The following SKAP1 variants were observed in gnomAD, a reference collection of about 807,000 sequenced individuals.
The protein encoded by SKAP1 is src kinase-associated phosphoprotein 1.
SKAP1 carries 44 observed loss-of-function variants against 58.5 expected under a neutral mutation model. That is an observed-to-expected ratio of 0.75 (90% CI 0.59 to 0.97). The LOEUF is 0.97. Among genes scored for constraint, SKAP1 ranks in the 50% least tolerant of loss-of-function variants. SKAP1 has a pLI of 0.00. For synonymous variants in SKAP1, 127 were observed against 149.7 expected, an observed-to-expected ratio of 0.85 and a Z score of 1.11; for missense variants, 390 against 435.2, an observed-to-expected ratio of 0.90 and a Z score of 0.92.
At chr17:48,181,840 G>A (rs956088220) in intron 8 of SKAP1, among the ~76,000 whole-genome samples, 4 of 152,142 alleles carry the variant, frequency 2.6e-5, no homozygotes, top group Admixed American at 1.3e-4. Context: ...GGCCAGCAGA[G>A]GGTACTCTAA....
In SKAP1 at chr17:48,404,482, G is replaced by A. The variant is rs1312970302; in HGVS notation, c.47-7697C>T. 2.6e-5 allele frequency among the ~76,000 whole-genome samples: 4 copies of A among 151,974 alleles called. No homozygotes were observed. In the South Asian group the frequency reaches 6.2e-4, roughly 24 times the overall value. On this transcript the variant is annotated intron_variant, in intron 1 of 12. Coordinates refer to ENST00000336915, the MANE Select transcript of SKAP1 (RefSeq NM_003726.4). ...AAACCAAAACAAAAATTCGTATGGCGAGACAATGTAAAAAATGTAAAAATA... is the reference window on the plus strand; with the variant it reads ...AAACCAAAACAAAAATTCGTATGGCAAGACAATGTAAAAAATGTAAAAATA...
chr17:48,335,468 A>C (rs1454605043), intron 4 of SKAP1, among the ~76,000 whole-genome samples: 1 of 152,014 alleles, frequency 6.6e-6, no homozygotes, highest in East Asian at 1.9e-4. Flanking sequence ...GCTACCTGTA[A>C]AAATTTATTC....
intron 2 of SKAP1, 110 bp from the exon 3 acceptor site, chr17:48,363,924 T>C: frequency 1.4e-6 from 1 of 724,092 alleles, no homozygotes; most frequent in South Asian, 2.9e-5. Flanking sequence ...CTAAAGTCTA[T>C]AACCAGCCAA....
chr17:48,199,929 G>C (rs1413970314), intron 4 of SKAP1, among the ~76,000 whole-genome samples: 2 of 152,102 alleles, frequency 1.3e-5, no homozygotes, highest in Non-Finnish European at 2.9e-5. Flanking sequence ...GGTGCATATA[G>C]CCGTGCACGT....
At chr17:48,234,208 A>G (rs2065156289) in intron 4 of SKAP1, among the ~76,000 whole-genome samples, 1 of 152,242 alleles carries the variant, frequency 6.6e-6, no homozygotes. Flanking sequence ...TGATAGCTCC[A>G]CTAAAAATAA....
intron 10 of SKAP1, among the ~76,000 whole-genome samples, chr17:48,169,380 T>C (rs779748124): frequency 6.6e-6 from 1 of 152,170 alleles, no homozygotes; most frequent in Non-Finnish European, 1.5e-5. Context: ...GGAAGTTGGT[T>C]GAGAAAAGAT....
At chr17:48,334,380 A>C (rs2066541372) in intron 4 of SKAP1, among the ~76,000 whole-genome samples, 1 of 152,006 alleles carries the variant, frequency 6.6e-6, no homozygotes, top group South Asian at 2.1e-4. Context: ...TTGTGAAAAT[A>C]TATCAAGTAA....
intron 4 of SKAP1, among the ~76,000 whole-genome samples, chr17:48,244,412 C>T (rs944765928): frequency 4.6e-5 from 7 of 152,200 alleles, no homozygotes; most frequent in African/African-American, 1.7e-4. Context: ...AAAGGCAGTT[C>T]TATCCTATTG....
chr17:48,404,240 G>A (rs1411126429), intron 1 of SKAP1, among the ~76,000 whole-genome samples: 1 of 152,028 alleles, frequency 6.6e-6, no homozygotes, highest in Non-Finnish European at 1.5e-5. Flanking sequence ...ATCACCTGAG[G>A]TTGGGAGTTC....
intron 2 of SKAP1, among the ~76,000 whole-genome samples, chr17:48,375,315 C>T (rs2067138218): frequency 6.9e-6 from 1 of 144,508 alleles, no homozygotes; most frequent in Non-Finnish European, 1.5e-5. Flanking sequence ...TATAACTCAT[C>T]ACCTGCTCCC....
chr17:48,317,198 A>T (rs997066086), intron 4 of SKAP1, among the ~76,000 whole-genome samples: 8 of 152,230 alleles, frequency 5.3e-5, no homozygotes, highest in African/African-American at 1.9e-4. Flanking sequence ...AGGGACTCCC[A>T]ATGGAAATAA....
chr17:48,231,847 T>C (rs148430893), intron 4 of SKAP1: 7 of 152,334 alleles, frequency 4.6e-5, no homozygotes, highest in Non-Finnish European at 7.3e-5. Context: ...AAGTTGGCTT[T>C]ATCTTCTATA....
At chr17:48,305,889 A>G (rs757390339) in intron 4 of SKAP1, among the ~76,000 whole-genome samples, 1 of 152,170 alleles carries the variant, frequency 6.6e-6, no homozygotes, top group Admixed American at 6.5e-5. Context: ...CCAAAAAAAA[A>G]TTGTTGTGGC....
At chr17:48,320,510 C>T (rs1466891350) in intron 4 of SKAP1, among the ~76,000 whole-genome samples, 1 of 152,068 alleles carries the variant, frequency 6.6e-6, no homozygotes, top group Admixed American at 6.5e-5. Context: ...CCTAAAAATA[C>T]TAATGGTTAC....
At chr17:48,277,612 A>G (rs2065716565) in intron 4 of SKAP1, among the ~76,000 whole-genome samples, 1 of 152,214 alleles carries the variant, frequency 6.6e-6, no homozygotes, top group Admixed American at 6.5e-5. Context: ...AAAACCAGTG[A>G]AAAAAATTTT....
At chr17:48,238,495 G>T (rs988951237) in intron 4 of SKAP1, among the ~76,000 whole-genome samples, 3 of 151,888 alleles carry the variant, frequency 2.0e-5, no homozygotes, top group African/African-American at 7.3e-5. Flanking sequence ...AACCTCCCAG[G>T]CTCAAGCAAT....
intron 1 of SKAP1, among the ~76,000 whole-genome samples, chr17:48,426,843 T>C (rs1033111535): frequency 4.6e-4 from 65 of 141,118 alleles, no homozygotes; most frequent in Admixed American, 4.4e-4. Context: ...AAATCCAAGA[T>C]AGCGTGTTTT....
intron 11 of SKAP1, among the ~76,000 whole-genome samples, chr17:48,140,849 T>A (rs2063758443): frequency 6.6e-6 from 1 of 151,312 alleles, no homozygotes; most frequent in African/African-American, 2.4e-5. Context: ...TGTGATCTCA[T>A]GATCTCGGCT....
intron 4 of SKAP1, among the ~76,000 whole-genome samples, chr17:48,194,549 A>T (rs1033962604): frequency 2.0e-5 from 3 of 152,220 alleles, no homozygotes; most frequent in African/African-American, 7.2e-5. Flanking sequence ...ACACCAGAGC[A>T]CAAGGCTAAT....
Sources: gnomAD v4.1 joint callset for allele counts (sites outside exome capture counted in the v4.1 genomes callset) on GRCh38, gnomAD v4.1.1 for gene constraint, MANE v1.5 for transcripts, NCBI Gene and HGNC (gene_info 2026-07-23, HGNC 2026-07-21) for gene names.